GPHN: variants seen among roughly 807,000 people sequenced by gnomAD.
GPHN encodes gephyrin.
A neutral mutation model predicts 95.5 loss-of-function variants in GPHN; 17 were observed. The ratio of observed to expected loss-of-function variants is 0.18; its 90% CI spans 0.12 to 0.27. The LOEUF (loss-of-function observed/expected upper bound fraction) is 0.27, where lower values mean the gene tolerates loss of function less well. Among genes scored for constraint, GPHN ranks in the 10% least tolerant of loss-of-function variants. The pLI is 1.00. For missense variants in GPHN, 660 were observed against 978.1 expected, an observed-to-expected ratio of 0.67 and a Z score of 4.34; for synonymous variants, 320 against 322.5, an observed-to-expected ratio of 0.99 and a Z score of 0.08.
intron 1 of GPHN, among the ~76,000 whole-genome samples, chr14:66,538,890 T>C (rs1261550178): frequency 6.6e-6 from 1 of 152,022 alleles, no homozygotes; most frequent in Non-Finnish European, 1.5e-5. Context: ...AAACTTGTAA[T>C]AATTTATGTA....
At chr14:66,723,058 T>C (rs1282838908) in intron 2 of GPHN, among the ~76,000 whole-genome samples, 3 of 152,060 alleles carry the variant, frequency 2.0e-5, no homozygotes, top group Admixed American at 6.5e-5. Context: ...CCTGATTAGA[T>C]TTTTTTGTGT....
At chr14:67,494,647 C>T in the GPHN span, among the ~76,000 whole-genome samples, 1 of 152,220 alleles carries the variant, frequency 6.6e-6, no homozygotes, top group Admixed American at 6.5e-5. Flanking sequence ...CAGTGCTCAG[C>T]AGGTACATCC....
the GPHN span, chr14:67,323,658 T>A: frequency 6.5e-6 from 5 of 772,696 alleles, no homozygotes; most frequent in Non-Finnish European, 1.0e-5. Flanking sequence ...AGGAAGTAAT[T>A]AAATGATGCA....
chr14:67,360,530 G>A, the GPHN span: 3 of 271,068 alleles, frequency 1.1e-5, no homozygotes, highest in East Asian at 6.4e-5. Flanking sequence ...GTTCGAGAGC[G>A]GGTAGGCCCC....
At chr14:67,685,213 G>A in the GPHN span, 13 of 1,607,166 alleles carry the variant, frequency 8.1e-6, no homozygotes, top group Admixed American at 3.4e-5. Flanking sequence ...GCCTGGTTGG[G>A]GGTGGCATGA....
chr14:66,648,424 C>T (rs1007497575), intron 1 of GPHN, among the ~76,000 whole-genome samples: 2 of 152,132 alleles, frequency 1.3e-5, no homozygotes, highest in African/African-American at 4.8e-5. Flanking sequence ...AATTTACAGT[C>T]AGGCACTGCA....
At chr14:66,632,426 A>G (rs774556998) in intron 1 of GPHN, among the ~76,000 whole-genome samples, 2 of 151,532 alleles carry the variant, frequency 1.3e-5, no homozygotes, top group Non-Finnish European at 2.9e-5. Context: ...TTTGCTGTAC[A>G]TTAATGTAAA....
the GPHN span, chr14:67,729,496 G>T: frequency 9.9e-7 from 1 of 1,008,394 alleles, no homozygotes; most frequent in Non-Finnish European, 1.5e-6. Context: ...TCCAGGTTTG[G>T]GTTGGGCCTG....
chr14:67,034,402 C>T (rs2074323736), intron 10 of GPHN, among the ~76,000 whole-genome samples: 1 of 152,002 alleles, frequency 6.6e-6, no homozygotes, highest in Non-Finnish European at 1.5e-5. Flanking sequence ...AAAAGAGGGA[C>T]TAAATAGCTA....
the GPHN span, chr14:67,335,425 T>A: frequency 6.6e-6 from 1 of 152,318 alleles, no homozygotes; most frequent in South Asian, 2.1e-4. Context: ...ATGATATCAA[T>A]AACTAATGCT....
chr14:67,635,368 A>C, the GPHN span, among the ~76,000 whole-genome samples: 1 of 152,258 alleles, frequency 6.6e-6, no homozygotes, highest in Admixed American at 6.5e-5. Flanking sequence ...GTCTCTTCAA[A>C]GGTTATTACC....
the GPHN span, chr14:67,336,772 A>G: frequency 2.2e-6 from 1 of 456,038 alleles, no homozygotes. Flanking sequence ...ACAGTTACCT[A>G]TTTTTAAAGT....
At chr14:67,328,352 G>A in the GPHN span, among the ~76,000 whole-genome samples, 61 of 152,260 alleles carry the variant, frequency 4.0e-4, 1 homozygote, top group African/African-American at 1.5e-3. Context: ...TTGGAAATTT[G>A]TTTAAGTTCT....
intron 1 of GPHN, among the ~76,000 whole-genome samples, chr14:66,575,391 T>C (rs2060862700): frequency 6.6e-6 from 1 of 152,244 alleles, no homozygotes; most frequent in African/African-American, 2.4e-5. Flanking sequence ...CATTTGAGAA[T>C]TTAATTTTAA....
intron 10 of GPHN, among the ~76,000 whole-genome samples, chr14:67,027,924 T>C (rs1447576518): frequency 6.6e-6 from 1 of 152,188 alleles, no homozygotes; most frequent in Non-Finnish European, 1.5e-5. Context: ...AAATATACAA[T>C]ACATTGATGT....
At chr14:67,663,247 T>C in the GPHN span, 2 of 1,218,678 alleles carry the variant, frequency 1.6e-6, no homozygotes, top group Non-Finnish European at 2.3e-6. Flanking sequence ...ACTAAAACAG[T>C]ATTGTCTTAA....
rs2077117160 is a variant in GPHN at position 67,090,800 on chromosome 14, T to C, written c.1237+1725T>C. ...TGGGTTTTAGTACCAGTTCCATCTGTGTAACTTTGAGCAGCTCACTTAAAT... is the reference window on the plus strand; with the variant it reads ...TGGGTTTTAGTACCAGTTCCATCTGCGTAACTTTGAGCAGCTCACTTAAAT... On this transcript the variant is annotated intron_variant, in intron 12 of 22. Transcript: ENST00000478722. Among the ~76,000 whole-genome samples, 8 of 152,054 alleles carry C rather than the reference T, an allele frequency of 5.3e-5. No individual in the cohort carries two copies. In the South Asian group the frequency reaches 1.7e-3, roughly 31 times the overall value.
chr14:67,712,426 G>A, the GPHN span, among the ~76,000 whole-genome samples: 4 of 146,616 alleles, frequency 2.7e-5, no homozygotes, highest in East Asian at 4.0e-4. Context: ...AAATCCCAGA[G>A]TGGCCTCTGT....
chr14:67,696,207 C>T, the GPHN span, among the ~76,000 whole-genome samples: 3 of 151,910 alleles, frequency 2.0e-5, no homozygotes, highest in African/African-American at 7.3e-5. Flanking sequence ...TACTAGGCAC[C>T]GCGGTGTTTG....
Sources: allele counts gnomAD v4.1 joint callset (sites outside exome capture counted in the v4.1 genomes callset), GRCh38; gene constraint gnomAD v4.1.1; transcripts MANE v1.5; gene names NCBI Gene and HGNC (gene_info 2026-07-23, HGNC 2026-07-21).